PTPRZ1: variants seen among roughly 807,000 people sequenced by gnomAD.
PTPRZ1 encodes the protein protein tyrosine phosphatase receptor type Z1.
A neutral mutation model predicts 214.1 loss-of-function variants in PTPRZ1; 82 were observed. That is an observed-to-expected ratio of 0.38 (90% CI 0.32 to 0.46). The LOEUF (loss-of-function observed/expected upper bound fraction) is 0.46. Ranked by LOEUF, PTPRZ1 falls within the 20% of genes least tolerant of loss-of-function variation. PTPRZ1 has a pLI of 1.00. For missense variants in PTPRZ1, 2,603 were observed against 2,748.7 expected (o/e 0.95, Z 1.19); for synonymous variants, 945 against 987.9 (o/e 0.96, Z 0.81).
At position 121,928,184 on chromosome 7, in the gene PTPRZ1, G is replaced by C; in HGVS notation, c.87G>C (p.Gln29His). The C allele has an allele frequency of 6.2e-7, 1 of 1,612,538 alleles. No homozygotes were observed. Among genetic ancestry groups the C allele is most frequent in the Admixed American group, 1.7e-5 (1 of 59,990 alleles). The change falls in exon 2 of 30, where the codon CAG becomes CAC. Residue 29 changes from glutamine to histidine, a missense_variant. Physicochemically the swap from Gln to His is conservative, Grantham distance 24 (BLOSUM62 0). Around this residue, in one of 6 missense-constraint regions of PTPRZ1, gnomAD observed 141 missense variants for 143.7 expected, o/e 0.98. Coordinates refer to ENST00000393386, the MANE Select transcript of PTPRZ1 (RefSeq NM_002851.3). ...GGGCTAATGGATACTACAGACAACA[G>C]AGAAAACTTGTTGAAGAGATTGGCT... ...LDWANGYYRQ[Q>H]RKLVEEIGWS...
rs545940495 is a variant in PTPRZ1 at position 122,005,349 on chromosome 7, T to A, written c.1287+689T>A. 3.9e-5 allele frequency among the ~76,000 whole-genome samples: 6 copies of A among 152,080 alleles called. No individual in the cohort carries two copies. The South Asian group carries it at 1.2e-3, about 31-fold the overall frequency. On this transcript the variant is annotated intron_variant, in intron 11 of 29. Coordinates refer to ENST00000393386, the MANE Select transcript of PTPRZ1 (RefSeq NM_002851.3). ...GCTGTTCATCATAACTGAAATTATATATTCAGTTCAGGTGCTATTGTTGAT... is the reference window on the plus strand; with the variant it reads ...GCTGTTCATCATAACTGAAATTATAAATTCAGTTCAGGTGCTATTGTTGAT...
chr7:121,927,467 A>C (rs1387052734), intron 1 of PTPRZ1, among the ~76,000 whole-genome samples: 2 of 152,128 alleles, frequency 1.3e-5, no homozygotes, highest in Non-Finnish European at 1.5e-5. Context: ...TCTTTTGTCT[A>C]TCCCTTGCCC....
chr7:121,979,392 C>T (rs1313950408), intron 6 of PTPRZ1, among the ~76,000 whole-genome samples: 1 of 152,166 alleles, frequency 6.6e-6, no homozygotes, highest in African/African-American at 2.4e-5. Context: ...TCCCAGGTAA[C>T]ATCATCAGTG....
At chr7:121,908,466 G>C (rs1795178754) in intron 1 of PTPRZ1, 1 of 389,028 alleles carries the variant, frequency 2.6e-6, no homozygotes, top group South Asian at 1.9e-5. Context: ...ATTCCTTTTT[G>C]TTTGTGTTAT....
At chr7:122,057,645 C>CTT (rs5887066) in intron 27 of PTPRZ1, among the ~76,000 whole-genome samples, 11 of 128,160 alleles carry the variant, frequency 8.6e-5, no homozygotes, top group East Asian at 4.5e-4. Context: ...CTTTGTGATT[C>CTT]TTTTTTTTTT....
Position 122,012,456 on chromosome 7 carries a change from A to T in PTPRZ1, c.3410A>T (p.Asp1137Val). ...PTHTVSQASG[D>V]TSLKPVLSAN... ...CATACTGTCTCTCAAGCATCTGGTGACACTTCGCTTAAACCTGTGCTTAGT... is the reference window on the plus strand; with the variant it reads ...CATACTGTCTCTCAAGCATCTGGTGTCACTTCGCTTAAACCTGTGCTTAGT... The change falls in exon 12 of 30, where the codon GAC becomes GTC. Residue 1137 changes from aspartate (D) to valine (V), a missense_variant. Coordinates refer to ENST00000393386, the MANE Select transcript of PTPRZ1 (RefSeq NM_002851.3). The T allele has an allele frequency of 1.2e-6, 2 of 1,613,700 alleles. No homozygotes were observed. Among genetic ancestry groups the T allele is most frequent in the Non-Finnish European group, 1.7e-6 (2 of 1,179,690 alleles).
chr7:122,018,433 C>A (rs919701477), intron 12 of PTPRZ1, among the ~76,000 whole-genome samples: 3 of 151,934 alleles, frequency 2.0e-5, no homozygotes, highest in Admixed American at 1.3e-4. Flanking sequence ...GGACCAAATT[C>A]GGATTTTTAA....
rs1428044584 is a variant in PTPRZ1, at chr7:122,010,806, C to T, written c.1760C>T (p.Ser587Leu). 6.2e-7 allele frequency: 1 copy of T among 1,614,058 alleles called. No individual in the cohort carries two copies. Among genetic ancestry groups the T allele is most frequent in the Non-Finnish European group, 8.5e-7 (1 of 1,179,982 alleles). The change falls in exon 12 of 30, where the codon TCA (serine) becomes TTA (leucine). Residue 587 changes from serine to leucine, a missense_variant. By Grantham distance (145) the Ser-to-Leu change is moderately radical (BLOSUM62 -2). Transcript: ENST00000393386. Reference sequence around the variant, plus strand: ...CTTGATACTGGAGCTGAAGATTCTTCAGGCTCCAGTCCCGCAACTTCTGCT... The same window carrying T: ...CTTGATACTGGAGCTGAAGATTCTTTAGGCTCCAGTCCCGCAACTTCTGCT... ...FKLDTGAEDS[S>L]GSSPATSAIP...
chr7:122,040,873 T>C lies in PTPRZ1; in HGVS notation c.5695T>C (p.Trp1899Arg). Residue 1899 changes from tryptophan (W) to arginine (R), a missense_variant, in exon 21 of 30, where the codon TGG becomes CGG. Transcript: ENST00000393386. ...GGTCACACAGTATCACTACACGCAG[T>C]GGCCTGACATGGGAGTACCAGAGTA... ...RVVTQYHYTQ[W>R]PDMGVPEYSL... 2.5e-6 allele frequency: 4 copies of C among 1,606,410 alleles called. No homozygotes were observed. Among genetic ancestry groups the C allele is most frequent in the Non-Finnish European group, 3.4e-6 (4 of 1,174,476 alleles).
chr7:121,891,830 T>G (rs1169170416), intron 1 of PTPRZ1, among the ~76,000 whole-genome samples: 2 of 152,100 alleles, frequency 1.3e-5, no homozygotes, highest in Non-Finnish European at 2.9e-5. Context: ...TAAAATGCCT[T>G]AAGTTTTTTT....
At chr7:122,000,507 G>T (rs951951907) in intron 10 of PTPRZ1, among the ~76,000 whole-genome samples, 3 of 150,578 alleles carry the variant, frequency 2.0e-5, no homozygotes, top group Non-Finnish European at 4.4e-5. Context: ...TTATTAGCTT[G>T]GTAACTGTAA....
chr7:121,934,648 T>A (rs1796021213), intron 2 of PTPRZ1, among the ~76,000 whole-genome samples: 2 of 152,202 alleles, frequency 1.3e-5, no homozygotes, highest in African/African-American at 4.8e-5. Flanking sequence ...CAAGTAATTA[T>A]TATTGAACAG....
At chr7:122,027,404 G>C (rs1054987105) in intron 13 of PTPRZ1, among the ~76,000 whole-genome samples, 1 of 152,162 alleles carries the variant, frequency 6.6e-6, no homozygotes, top group African/African-American at 2.4e-5. Flanking sequence ...TCTAATTGCA[G>C]CGAGAAGCCA....
At chr7:122,057,864 G>C (rs1186831956) in intron 27 of PTPRZ1, among the ~76,000 whole-genome samples, 1 of 151,198 alleles carries the variant, frequency 6.6e-6, no homozygotes, top group Non-Finnish European at 1.5e-5. Flanking sequence ...GTGAGACAAG[G>C]GTTCGGTTTC....
At chr7:121,972,067 G>A (rs1797265635) in intron 3 of PTPRZ1, among the ~76,000 whole-genome samples, 1 of 152,150 alleles carries the variant, frequency 6.6e-6, no homozygotes, top group African/African-American at 2.4e-5. Context: ...TGCTAATGAA[G>A]CCTGGGTGAT....
Position 122,055,034 on chromosome 7 carries a change from C to T in PTPRZ1, c.6475C>T (p.Leu2159=), listed in dbSNP as rs566289290. ...TCTTATGGCTGAAGAACACAAATGTCTATCTAATGAGGAAAAACTTATAAT... is the reference window on the plus strand; with the variant it reads ...TCTTATGGCTGAAGAACACAAATGTTTATCTAATGAGGAAAAACTTATAAT... ...VTLMAEEHKC[L]SNEEKLIIQD... The change falls in exon 27 of 30, where the codon CTA becomes TTA. Residue 2159 remains leucine (L), a synonymous_variant. Transcript: ENST00000393386. The T allele has an allele frequency of 1.9e-6, 3 of 1,603,036 alleles. No individual in the cohort carries two copies. The Admixed American group carries it at 5.0e-5, about 27-fold the overall frequency.
intron 14 of PTPRZ1, among the ~76,000 whole-genome samples, chr7:122,031,223 T>C (rs1214969710): frequency 3.3e-5 from 5 of 152,040 alleles, no homozygotes; most frequent in Non-Finnish European, 7.4e-5. Flanking sequence ...AAATTAACAT[T>C]GAAAATAAGT....
At chr7:121,913,039 A>C (rs940330342) in intron 1 of PTPRZ1, among the ~76,000 whole-genome samples, 2 of 152,224 alleles carry the variant, frequency 1.3e-5, no homozygotes, top group Non-Finnish European at 2.9e-5. Flanking sequence ...AGCAGGGAGC[A>C]AGATAGGCAC....
intron 1 of PTPRZ1, among the ~76,000 whole-genome samples, chr7:121,915,656 G>A (rs545546623): frequency 1.1e-4 from 16 of 152,166 alleles, no homozygotes; most frequent in African/African-American, 3.9e-4. Context: ...TATTTCCAAG[G>A]TTAAATCAGT....
Sources: gnomAD v4.1 joint callset for allele counts (sites outside exome capture counted in the v4.1 genomes callset) on GRCh38, gnomAD v4.1.1 for gene constraint, gnomAD v4.1.1 regional missense constraint, MANE v1.5 for transcripts, NCBI Gene and HGNC (gene_info 2026-07-23, HGNC 2026-07-21) for gene names.